Variants in NEBL observed in about 807,000 individuals in gnomAD.
NEBL encodes the protein LIM and SH3 protein 2.
Under a neutral mutation model 140.2 loss-of-function variants are expected in NEBL, and 122 were observed. The ratio of observed to expected loss-of-function variants is 0.87; its 90% CI spans 0.75 to 1.01. The LOEUF is 1.01. NEBL is among the 50% of genes least tolerant of loss of function. The pLI is 0.00. For missense variants in NEBL, 1,365 were observed against 1,231.3 expected, an observed-to-expected ratio of 1.11 and a Z score of -1.62; for synonymous variants, 436 against 398.9, an observed-to-expected ratio of 1.09 and a Z score of -1.11.
intron 3 of NEBL, among the ~76,000 whole-genome samples, chr10:21,240,556 T>C (rs932509171): frequency 4.6e-5 from 7 of 152,050 alleles, no homozygotes; most frequent in African/African-American, 7.2e-5. Flanking sequence ...GGCAGGAGAA[T>C]TGCTTAAACC....
Position 20,981,769 on chromosome 10 carries a change from C to T in NEBL, c.250-19990G>A, listed in dbSNP as rs184873345. 4.2e-4 allele frequency among the ~76,000 whole-genome samples: 64 copies of T among 152,244 alleles called. 1 individual carries two copies. In the South Asian group the frequency reaches 0.01, roughly 24 times the overall value. On this transcript the variant is annotated intron_variant, in intron 3 of 6. Coordinates refer to the NEBL transcript ENST00000417816. ...GGCTGAAGGTCTGGCAGCCACCTTG[C>T]GACCATGAGGTAAGCCTGCCTGAAA...
chr10:21,129,800 C>G (rs1021012092), intron 2 of NEBL, among the ~76,000 whole-genome samples: 1 of 151,556 alleles, frequency 6.6e-6, no homozygotes, highest in Non-Finnish European at 1.5e-5. Context: ...ACAATTAAAA[C>G]CGTAAAAATT....
chr10:21,145,916 G>A (rs977667752), intron 2 of NEBL, among the ~76,000 whole-genome samples: 1 of 152,142 alleles, frequency 6.6e-6, no homozygotes, highest in East Asian at 1.9e-4. Context: ...TCTCTGGACC[G>A]CAGCTCGGGC....
chr10:21,039,318 G>A (rs529515967), intron 2 of NEBL, among the ~76,000 whole-genome samples: 1 of 152,130 alleles, frequency 6.6e-6, no homozygotes, highest in African/African-American at 2.4e-5. Flanking sequence ...TGTCCTGAAT[G>A]GTATTGCCTA....
intron 2 of NEBL, among the ~76,000 whole-genome samples, chr10:21,120,680 CAAAAAAAAA>C (rs66476160): frequency 2.8e-5 from 2 of 71,236 alleles, no homozygotes; most frequent in African/African-American, 1.1e-4. Flanking sequence ...TTCATGACAG[CAAAAAAAAA>C]AAAAAAAAAA....
At chr10:20,849,085 T>C (rs1253004724) in intron 11 of NEBL, among the ~76,000 whole-genome samples, 1 of 152,152 alleles carries the variant, frequency 6.6e-6, no homozygotes, top group African/African-American at 2.4e-5. Flanking sequence ...AAGGTTGTAT[T>C]GGACTGAGAC....
chr10:21,029,670 T>A, intron 2 of NEBL: 1 of 1,184,996 alleles, frequency 8.4e-7, no homozygotes, highest in Non-Finnish European at 1.3e-6. Context: ...GAGACAAGTA[T>A]CGAGATCGTT....
chr10:20,921,776 T>C lies in NEBL; in HGVS notation c.357+39896A>G, dbSNP rs552194159. On this transcript the variant is annotated intron_variant, in intron 4 of 6. Coordinates refer to the NEBL transcript ENST00000417816. ...ACACATATCCATGCACACACATACA[T>C]GTACATGCACACACACACATATGTA... is the stretch of plus-strand genomic sequence containing the variant. Among the ~76,000 whole-genome samples the C allele has an allele frequency of 4.2e-5, 5 of 119,998 alleles. No homozygotes were observed. In the South Asian group the frequency reaches 1.3e-3, roughly 32 times the overall value. The allele number at this position is 119,998 out of a possible 152,430, so 78.7% of individuals were successfully genotyped here.
At position 20,894,788 on chromosome 10, in the gene NEBL, G is replaced by A. The variant is rs575917426; in HGVS notation, c.153+2170C>T. On this transcript the variant is annotated intron_variant, in intron 2 of 27. Transcript: ENST00000377122. The stretch of plus-strand genomic sequence containing the variant: ...AAAAAAATACAAAAAAATTAGCCGG[G>A]CTTAGTGGCAGGCGCCTGTGGTCCC... Among the ~76,000 whole-genome samples, 4 of 150,626 alleles carry A rather than the reference G, an allele frequency of 2.7e-5. No homozygotes were observed. In the South Asian group the frequency reaches 6.3e-4, roughly 24 times the overall value.
chr10:21,085,655 A>G (rs1836589747), intron 2 of NEBL, among the ~76,000 whole-genome samples: 1 of 152,212 alleles, frequency 6.6e-6, no homozygotes, highest in Non-Finnish European at 1.5e-5. Context: ...AATTAAAATT[A>G]GAAATAAAAC....
At position 21,284,234 on chromosome 10, in the gene NEBL, C is replaced by T. The variant is rs913511334; in HGVS notation, n.182+8596G>A. On this transcript the variant is annotated intron_variant and non_coding_transcript_variant, in intron 1 of 8. Transcript: ENST00000675702. ...CCAAAAAAAAAAAAAAAAAAAAAAA[C>T]GAAAATGAAGTGGCTTGAAGACAGA... 5.5e-3 allele frequency among the ~76,000 whole-genome samples: 379 copies of T among 69,360 alleles called. 3 individuals carry two copies. Among genetic ancestry groups the T allele is most frequent in the Non-Finnish European group, 8.2e-3 (294 of 35,918 alleles). The allele number at this position is 69,360 out of a possible 152,430, so 45.5% of individuals were successfully genotyped here.
At chr10:20,889,813 G>T (rs1214696936) in intron 3 of NEBL, 32 bp downstream of exon 3, 2 of 1,305,342 alleles carry the variant, frequency 1.5e-6, no homozygotes, top group Non-Finnish European at 2.2e-6. Context: ...AAAGATAAAT[G>T]CAAGCCAGTT....
chr10:21,257,740 G>A (rs1441653819), intron 1 of NEBL, among the ~76,000 whole-genome samples: 2 of 151,996 alleles, frequency 1.3e-5, no homozygotes, highest in Non-Finnish European at 2.9e-5. Flanking sequence ...AAAAAACTAG[G>A]TGGGTGTGGT....
intron 1 of NEBL, among the ~76,000 whole-genome samples, chr10:21,278,629 G>A (rs966063812): frequency 1.4e-4 from 22 of 152,114 alleles, no homozygotes; most frequent in Non-Finnish European, 2.5e-4. Flanking sequence ...CTGTATTAGG[G>A]GTCTATCGGA....
intron 3 of NEBL, among the ~76,000 whole-genome samples, chr10:21,018,455 G>A (rs1364155660): frequency 6.6e-6 from 1 of 152,164 alleles, no homozygotes; most frequent in Non-Finnish European, 1.5e-5. Context: ...CTCCATAATA[G>A]TGTCTCTCTT....
At chr10:21,186,858 A>G (rs2132212203) in intron 3 of NEBL, among the ~76,000 whole-genome samples, 1 of 152,160 alleles carries the variant, frequency 6.6e-6, no homozygotes, top group East Asian at 1.9e-4. Flanking sequence ...TATTGATTGG[A>G]GAATAATGAC....
chr10:21,132,370 G>C (rs1039581103), intron 2 of NEBL, among the ~76,000 whole-genome samples: 2 of 152,058 alleles, frequency 1.3e-5, no homozygotes, highest in Non-Finnish European at 2.9e-5. Flanking sequence ...GCCATACTTT[G>C]TTTATCTACT....
At chr10:20,902,574 T>C (rs1847918305) in intron 4 of NEBL, among the ~76,000 whole-genome samples, 1 of 152,076 alleles carries the variant, frequency 6.6e-6, no homozygotes. Flanking sequence ...TTGGGTGTGG[T>C]GGGGAAGCCC....
intron 2 of NEBL, among the ~76,000 whole-genome samples, chr10:21,023,290 T>A (rs773325776): frequency 7.2e-5 from 11 of 152,234 alleles, no homozygotes; most frequent in Non-Finnish European, 1.6e-4. Flanking sequence ...CTGTCAAATG[T>A]GTTACAGAAA....
Sources: allele counts gnomAD v4.1 joint callset (sites outside exome capture counted in the v4.1 genomes callset), GRCh38; gene constraint gnomAD v4.1.1; transcripts MANE v1.5; gene names NCBI Gene and HGNC (gene_info 2026-07-23, HGNC 2026-07-21).